The following PTPRN2 variants were observed in gnomAD, a reference collection of about 807,000 sequenced individuals.
PTPRN2 encodes protein tyrosine phosphatase receptor type N2, also known as receptor-type tyrosine-protein phosphatase N2.
In PTPRN2, 74 loss-of-function variants were observed where a neutral mutation model predicts 118.8. The ratio of observed to expected loss-of-function variants is 0.62; its 90% CI spans 0.52 to 0.76. PTPRN2 has a LOEUF of 0.76. Ranked by LOEUF, PTPRN2 falls within the 30% of genes least tolerant of loss-of-function variation. The pLI is 0.00. For missense variants in PTPRN2, 1,481 were observed against 1,394.4 expected (o/e 1.06, Z -0.99); for synonymous variants, 641 against 608.0 (o/e 1.05, Z -0.80).
intron 5 of PTPRN2, 104 bp downstream of exon 5, chr7:158,192,223 C>G (rs956826162): frequency 7.8e-6 from 10 of 1,274,588 alleles, no homozygotes; most frequent in Non-Finnish European, 6.1e-6. Context: ...GCCCGGGAAA[C>G]AGGCGCAAAG....
intron 11 of PTPRN2, among the ~76,000 whole-genome samples, chr7:158,065,456 C>T (rs964322150): frequency 1.3e-5 from 2 of 152,248 alleles, no homozygotes; most frequent in Non-Finnish European, 2.9e-5. Flanking sequence ...CCAGAAGCAG[C>T]TGTGTTCACA....
chr7:158,573,607 T>G (rs1828164069), intron 1 of PTPRN2, among the ~76,000 whole-genome samples: 1 of 152,204 alleles, frequency 6.6e-6, no homozygotes. Flanking sequence ...TCACTCCCCA[T>G]GCCTGGGTCT....
chr7:158,342,445 A>G lies in PTPRN2; in HGVS notation c.164-25513T>C, dbSNP rs1367435849. Among the ~76,000 whole-genome samples the G allele has an allele frequency of 6.4e-4, 58 of 90,460 alleles. 1 individual carries two copies. The highest frequency in any genetic ancestry group is 5.4e-3 in the Middle Eastern group (1 of 186). The allele number at this position is 90,460 out of a possible 152,430, so 59.3% of individuals were successfully genotyped here. A position where few individuals can be genotyped will look rare whatever the true frequency, so the allele number is the denominator to read the frequency against. On this transcript the variant is annotated intron_variant, in intron 2 of 22. Transcript: ENST00000389418. ...ATAAGAGCTGACACCTGCAGACGTC[A>G]CTCACACCCACACTCTCACCATAAG...
At chr7:158,364,226 C>G (rs1809250477) in intron 2 of PTPRN2, among the ~76,000 whole-genome samples, 1 of 143,306 alleles carries the variant, frequency 7.0e-6, no homozygotes, top group Non-Finnish European at 1.5e-5. Context: ...CTTCACCTGC[C>G]TCTCGCCATG....
chr7:158,102,015 G>A (rs1483281424), intron 10 of PTPRN2, among the ~76,000 whole-genome samples: 1 of 152,144 alleles, frequency 6.6e-6, no homozygotes, highest in African/African-American at 2.4e-5. Flanking sequence ...AGCTGACCCT[G>A]GGGCCCCTCT....
At chr7:157,834,242 A>G (rs1807782722) in intron 12 of PTPRN2, among the ~76,000 whole-genome samples, 1 of 130,956 alleles carries the variant, frequency 7.6e-6, no homozygotes, top group South Asian at 2.9e-4. Context: ...CCTGAGATCA[A>G]TCCATCAATT....
chr7:157,820,826 A>G (rs1340276511), intron 12 of PTPRN2, among the ~76,000 whole-genome samples: 5 of 152,374 alleles, frequency 3.3e-5, no homozygotes, highest in Admixed American at 3.3e-4. Context: ...AGGAAAGGTG[A>G]AATCAGAAAG....
chr7:158,316,477 TTCTC>T (rs1240956301), intron 3 of PTPRN2, among the ~76,000 whole-genome samples: 1 of 152,184 alleles, frequency 6.6e-6, no homozygotes, highest in Non-Finnish European at 1.5e-5. Flanking sequence ...CAGAGGCTGA[TTCTC>T]TCCAGGCCGA....
rs1012297250 is a variant in PTPRN2, at chr7:157,596,018, C to T, written c.2419-703G>A. Among the ~76,000 whole-genome samples, 11 of 152,288 alleles carry T rather than the reference C, an allele frequency of 7.2e-5. No homozygotes were observed. Among genetic ancestry groups the T allele is most frequent in the South Asian group, 2.1e-4 (1 of 4,814 alleles). ...AAGTGACCCCAGAGCTTCCTGGCCA[C>T]GGAGCCCACCCAGGCTGCCCTGTGT... On this transcript the variant is annotated intron_variant, in intron 16 of 22. Coordinates refer to ENST00000389418, the MANE Select transcript of PTPRN2 (RefSeq NM_002847.5). The surrounding 1 kb of genome is among the most constrained non-coding windows in gnomAD (Gnocchi z 4.2).
At chr7:157,995,870 G>T (rs189307808) in intron 11 of PTPRN2, among the ~76,000 whole-genome samples, 1 of 152,208 alleles carries the variant, frequency 6.6e-6, no homozygotes, top group Admixed American at 6.5e-5. Context: ...ACATGAAATC[G>T]ACGTAAGTGT....
chr7:158,506,832 G>A (rs1196713412), intron 1 of PTPRN2, among the ~76,000 whole-genome samples: 1 of 152,184 alleles, frequency 6.6e-6, no homozygotes, highest in African/African-American at 2.4e-5. Context: ...CCATAGGAAG[G>A]ACACACCTGG....
At chr7:157,937,550 C>A (rs544243243) in intron 11 of PTPRN2, among the ~76,000 whole-genome samples, 8 of 152,340 alleles carry the variant, frequency 5.3e-5, no homozygotes, top group Admixed American at 2.0e-4. Context: ...ATGTCTCTCA[C>A]AATAGCGCTC....
At chr7:158,180,414 C>T (rs183233672) in intron 5 of PTPRN2, among the ~76,000 whole-genome samples, 11 of 152,252 alleles carry the variant, frequency 7.2e-5, no homozygotes, top group Admixed American at 2.0e-4. Context: ...AATGTGATGC[C>T]TCCAGATCTG....
At chr7:158,245,496 C>T (rs1394237299) in intron 3 of PTPRN2, among the ~76,000 whole-genome samples, 7 of 152,100 alleles carry the variant, frequency 4.6e-5, no homozygotes, top group African/African-American at 1.5e-4. Context: ...GCGCATGGGC[C>T]GCCCTGGCCT....
Position 158,470,087 on chromosome 7 carries a change from G to C in PTPRN2, c.163+19648C>G, listed in dbSNP as rs954413778. On this transcript the variant is annotated intron_variant, in intron 2 of 22. Coordinates refer to ENST00000389418, the MANE Select transcript of PTPRN2 (RefSeq NM_002847.5). ...GATCTGTCCTAGTGCATCACAACGG[G>C]CTGCCATCATAACAGGGCCTGACAT... is the stretch of plus-strand genomic sequence containing the variant. Among the ~76,000 whole-genome samples the C allele has an allele frequency of 7.2e-5, 11 of 152,334 alleles. No individual in the cohort carries two copies. In the East Asian group the frequency reaches 2.1e-3, roughly 29 times the overall value.
chr7:157,615,727 C>G lies in PTPRN2; in HGVS notation c.2344+5635G>C, dbSNP rs1353344296. The stretch of plus-strand genomic sequence containing the variant: ...CTGAGAGGGAGGTGACGCAGTGACT[C>G]AGGAACCACAAGCTCTGGAGGCTGA... On this transcript the variant is annotated intron_variant, in intron 15 of 22. Coordinates refer to ENST00000389418, the MANE Select transcript of PTPRN2 (RefSeq NM_002847.5). The surrounding 1 kb of genome is among the most constrained non-coding windows in gnomAD (Gnocchi z 4.3). 7.3e-6 allele frequency: 3 copies of G among 408,328 alleles called. No individual in the cohort carries two copies. Among genetic ancestry groups the G allele is most frequent in the Non-Finnish European group, 1.5e-5 (3 of 197,000 alleles). The allele number at this position is 408,328 out of a possible 1,614,324, so 25.3% of individuals were successfully genotyped here.
At chr7:158,170,192 C>T (rs1823412205) in intron 5 of PTPRN2, among the ~76,000 whole-genome samples, 1 of 152,298 alleles carries the variant, frequency 6.6e-6, no homozygotes, top group South Asian at 2.1e-4. Flanking sequence ...CAAACAGCCC[C>T]TCTAGCAATT....
At chr7:158,243,791 CTA>C (rs35301233) in intron 3 of PTPRN2, among the ~76,000 whole-genome samples, 87,679 of 151,666 alleles carry the variant, frequency 0.58, 25,748 homozygotes, top group Non-Finnish European at 0.64. Context: ...CTAGTCACTA[CTA>C]TATATCTCCT....
chr7:158,532,280 C>T (rs544314648), intron 1 of PTPRN2, among the ~76,000 whole-genome samples: 1 of 152,172 alleles, frequency 6.6e-6, no homozygotes, highest in African/African-American at 2.4e-5. Context: ...GGCCTCTGTC[C>T]ATTCTCAAGC....
Sources: gnomAD v4.1 joint callset for allele counts (sites outside exome capture counted in the v4.1 genomes callset) on GRCh38, gnomAD v4.1.1 for gene constraint, Gnocchi (gnomAD v3.1) non-coding constraint, MANE v1.5 for transcripts, NCBI Gene and HGNC (gene_info 2026-07-23, HGNC 2026-07-21) for gene names.